Variants in GALNT13 observed in about 807,000 individuals in gnomAD.
GALNT13 encodes the protein UDP-GalNAc:polypeptide N-acetylgalactosaminyltransferase 13.
A neutral mutation model predicts 64.2 loss-of-function variants in GALNT13; 28 were observed. The ratio of observed to expected loss-of-function variants is 0.44; its 90% confidence interval spans 0.32 to 0.60. The LOEUF (loss-of-function observed/expected upper bound fraction) is 0.60. Ranked by LOEUF, GALNT13 falls within the 20% of genes least tolerant of loss-of-function variation. GALNT13 has a pLI of 0.05. For synonymous variants in GALNT13, 214 were observed against 224.6 expected, an observed-to-expected ratio of 0.95 and a Z score of 0.42; for missense variants, 577 against 669.8, an observed-to-expected ratio of 0.86 and a Z score of 1.53.
the GALNT13 span, among the ~76,000 whole-genome samples, chr2:153,683,828 G>T: frequency 1.3e-5 from 2 of 151,764 alleles, no homozygotes; most frequent in African/African-American, 4.8e-5. Flanking sequence ...GATCTGTCTA[G>T]CTTCAACAGT....
chr2:153,821,087 C>A, the GALNT13 span, among the ~76,000 whole-genome samples: 1 of 152,074 alleles, frequency 6.6e-6, no homozygotes, highest in African/African-American at 2.4e-5. Context: ...CACCCAGATT[C>A]TTAAAACAAA....
At chr2:153,911,072 A>G (rs539633720) in intron 2 of GALNT13, among the ~76,000 whole-genome samples, 5 of 152,282 alleles carry the variant, frequency 3.3e-5, no homozygotes, top group African/African-American at 9.6e-5. Flanking sequence ...CTTGAAGGTC[A>G]CTAAGAACTT....
chr2:153,070,124 A>G, the GALNT13 span, among the ~76,000 whole-genome samples: 1 of 152,196 alleles, frequency 6.6e-6, no homozygotes, highest in African/African-American at 2.4e-5. Flanking sequence ...GCTCTTACAA[A>G]AGAGCCGGTG....
the GALNT13 span, among the ~76,000 whole-genome samples, chr2:153,860,314 C>G: frequency 6.6e-6 from 1 of 152,148 alleles, no homozygotes. Flanking sequence ...CCTTCTTTTC[C>G]TTCTCTTTCA....
intron 3 of GALNT13, among the ~76,000 whole-genome samples, chr2:154,031,778 C>T (rs1442369649): frequency 1.3e-5 from 2 of 151,810 alleles, no homozygotes; most frequent in African/African-American, 2.4e-5. Flanking sequence ...AATGAATAGA[C>T]TTGAAAGGAT....
At chr2:153,549,907 T>G in the GALNT13 span, among the ~76,000 whole-genome samples, 1 of 152,226 alleles carries the variant, frequency 6.6e-6, no homozygotes, top group East Asian at 1.9e-4. Context: ...TCCTTTTCAT[T>G]TCCATCCTTG....
At chr2:154,413,098 G>A (rs185790059) in intron 11 of GALNT13, among the ~76,000 whole-genome samples, 79 of 151,902 alleles carry the variant, frequency 5.2e-4, no homozygotes, top group African/African-American at 1.8e-3. Flanking sequence ...TCCATGTCCC[G>A]TACAATGTTA....
chr2:154,207,105 G>C (rs1022595479), intron 4 of GALNT13, among the ~76,000 whole-genome samples: 4 of 152,134 alleles, frequency 2.6e-5, no homozygotes, highest in African/African-American at 4.8e-5. Context: ...CTAAGTGAGA[G>C]CCTTTGTTAA....
the GALNT13 span, among the ~76,000 whole-genome samples, chr2:153,386,729 A>G: frequency 6.6e-6 from 1 of 152,094 alleles, no homozygotes; most frequent in Non-Finnish European, 1.5e-5. Context: ...CCATGCCTAC[A>G]TAGTACAATT....
Position 154,438,616 on chromosome 2 carries a change from G to T in GALNT13, c.1420G>T (p.Glu474Ter). 6.2e-7 allele frequency: 1 copy of T among 1,611,858 alleles called. No homozygotes were observed. Among genetic ancestry groups the T allele is most frequent in the Non-Finnish European group, 8.5e-7 (1 of 1,178,566 alleles). Reference sequence around the variant, plus strand: ...GGTATTTTCTTACACTGCTGACAAAGAAATCCGAACCGATGACTTGTGCTT... The same window carrying T: ...GGTATTTTCTTACACTGCTGACAAATAAATCCGAACCGATGACTTGTGCTT... ...NQVFSYTADK[E>*]IRTDDLCLDV... The change falls in exon 12 of 13, where the codon GAA becomes TAA. Residue 474 changes from glutamate to a stop codon, truncating the protein, a stop_gained. Coordinates refer to ENST00000392825, the MANE Select transcript of GALNT13 (RefSeq NM_052917.4). LOFTEE classifies it high-confidence loss of function.
intron 9 of GALNT13, among the ~76,000 whole-genome samples, chr2:154,349,333 A>C (rs1260115815): frequency 1.3e-5 from 2 of 152,204 alleles, no homozygotes; most frequent in African/African-American, 4.8e-5. Context: ...TTTACAAGAA[A>C]ATTGCAAGGA....
chr2:153,830,685 C>A, the GALNT13 span, among the ~76,000 whole-genome samples: 1 of 152,072 alleles, frequency 6.6e-6, no homozygotes, highest in African/African-American at 2.4e-5. Flanking sequence ...CATTTGTATT[C>A]ATTTATAATT....
the GALNT13 span, among the ~76,000 whole-genome samples, chr2:153,512,688 T>G: frequency 1.3e-5 from 2 of 152,196 alleles, no homozygotes; most frequent in Non-Finnish European, 2.9e-5. Flanking sequence ...CGGCACATAT[T>G]AAGAGTATGC....
the GALNT13 span, among the ~76,000 whole-genome samples, chr2:153,752,605 G>A: frequency 1.3e-5 from 2 of 152,008 alleles, no homozygotes; most frequent in African/African-American, 4.8e-5. Flanking sequence ...CTGAAAATCT[G>A]TTGCCAGACA....
At chr2:153,222,321 GGGGGGTGGGGT>G in the GALNT13 span, among the ~76,000 whole-genome samples, 21 of 145,304 alleles carry the variant, frequency 1.4e-4, no homozygotes, top group Non-Finnish European at 2.5e-4. Context: ...GGGGGGGGGG[GGGGGGTGGGGT>G]GGGGGGGGGG....
the GALNT13 span, among the ~76,000 whole-genome samples, chr2:153,330,403 C>A: frequency 2.0e-5 from 3 of 151,956 alleles, no homozygotes; most frequent in Non-Finnish European, 4.4e-5. Context: ...TTCTTCCAAT[C>A]AAATATCCTC....
At chr2:154,364,736 A>G (rs1028775882) in intron 9 of GALNT13, among the ~76,000 whole-genome samples, 1 of 152,022 alleles carries the variant, frequency 6.6e-6, no homozygotes, top group African/African-American at 2.4e-5. Context: ...CGATGGCGCG[A>G]TCTTGGCTCA....
chr2:153,285,022 G>A, the GALNT13 span, among the ~76,000 whole-genome samples: 5 of 144,194 alleles, frequency 3.5e-5, no homozygotes, highest in African/African-American at 5.4e-5. Flanking sequence ...GCCCAAGACT[G>A]GGTAATTTAT....
chr2:153,561,539 G>A, the GALNT13 span, among the ~76,000 whole-genome samples: 9,326 of 152,060 alleles, frequency 0.061, 422 homozygotes, highest in South Asian at 0.16. Flanking sequence ...GAGGTCAGGT[G>A]TGGAATTTCC....
Sources: allele counts gnomAD v4.1 joint callset (sites outside exome capture counted in the v4.1 genomes callset), GRCh38; gene constraint gnomAD v4.1.1; transcripts MANE v1.5; gene names NCBI Gene and HGNC (gene_info 2026-07-23, HGNC 2026-07-21).